The following SPON1 variants were observed in gnomAD, a reference collection of about 807,000 sequenced individuals.
The protein encoded by SPON1 is spondin 1, also known as spondin-1.
Under a neutral mutation model 111.7 loss-of-function variants are expected in SPON1, and 52 were observed. The ratio of observed to expected loss-of-function variants is 0.47; its 90% CI spans 0.37 to 0.59. The LOEUF is 0.59. SPON1 is among the 20% of genes least tolerant of loss of function. The pLI, the probability that SPON1 is intolerant of heterozygous loss-of-function variation, is 0.00. For synonymous variants in SPON1, 410 were observed against 395.8 expected (o/e 1.04, Z -0.43); for missense variants, 957 against 1,068.5 (o/e 0.90, Z 1.46).
At chr11:14,184,641 C>G (rs1179551842) in intron 6 of SPON1, among the ~76,000 whole-genome samples, 4 of 152,130 alleles carry the variant, frequency 2.6e-5, no homozygotes, top group Non-Finnish European at 5.9e-5. Context: ...CTGTTCCAAC[C>G]CATTCCTTTG....
At chr11:14,161,874 C>A (rs1554931385) in intron 6 of SPON1, among the ~76,000 whole-genome samples, 1 of 151,566 alleles carries the variant, frequency 6.6e-6, no homozygotes, top group African/African-American at 2.4e-5. Context: ...TTTTCCACAC[C>A]AGGTGTGGTG....
At chr11:13,970,209 AG>A (rs779065980) in intron 1 of SPON1, among the ~76,000 whole-genome samples, 4 of 152,162 alleles carry the variant, frequency 2.6e-5, no homozygotes, top group Admixed American at 6.5e-5. Flanking sequence ...ATGTTTTGGC[AG>A]GGATGGAGTT....
chr11:14,037,281 G>T (rs540922367), intron 2 of SPON1, among the ~76,000 whole-genome samples: 1 of 152,220 alleles, frequency 6.6e-6, no homozygotes, highest in African/African-American at 2.4e-5. Flanking sequence ...AATTCAGTTG[G>T]AGCACAAGTT....
At chr11:14,121,729 T>C (rs1405647708) in intron 5 of SPON1, among the ~76,000 whole-genome samples, 1 of 152,070 alleles carries the variant, frequency 6.6e-6, no homozygotes, top group African/African-American at 2.4e-5. Context: ...TTTCCATCTG[T>C]TTTCATTTTC....
At chr11:14,204,319 G>A (rs1343224010) in intron 6 of SPON1, among the ~76,000 whole-genome samples, 1 of 152,030 alleles carries the variant, frequency 6.6e-6, no homozygotes, top group Non-Finnish European at 1.5e-5. Context: ...CTTTTTATCT[G>A]TCTCTGAGGT....
chr11:14,037,429 T>C (rs1313508140), intron 2 of SPON1, among the ~76,000 whole-genome samples: 2 of 151,188 alleles, frequency 1.3e-5, no homozygotes, highest in African/African-American at 4.9e-5. Flanking sequence ...CCCACACAAA[T>C]ATAGTCAACT....
At chr11:14,051,860 G>T (rs1296273045) in intron 3 of SPON1, among the ~76,000 whole-genome samples, 2 of 152,064 alleles carry the variant, frequency 1.3e-5, no homozygotes, top group Non-Finnish European at 2.9e-5. Context: ...TCTTATATAT[G>T]TCTTATGTAA....
At chr11:14,099,419 G>A (rs976750411) in intron 5 of SPON1, among the ~76,000 whole-genome samples, 2 of 152,026 alleles carry the variant, frequency 1.3e-5, no homozygotes, top group Admixed American at 1.3e-4. Flanking sequence ...TGTTGACTTA[G>A]TATGCTGATT....
intron 5 of SPON1, among the ~76,000 whole-genome samples, chr11:14,122,648 A>C (rs577721903): frequency 3.3e-5 from 5 of 152,078 alleles, no homozygotes; most frequent in African/African-American, 1.2e-4. Flanking sequence ...CCTATCTTTT[A>C]GTTCACTGAT....
intron 3 of SPON1, among the ~76,000 whole-genome samples, chr11:14,043,172 T>C (rs1462831593): frequency 1.3e-5 from 2 of 152,150 alleles, no homozygotes; most frequent in Non-Finnish European, 2.9e-5. Context: ...GCCTGTTGTA[T>C]AACAAGGGAG....
At chr11:14,003,947 C>G (rs1393416573) in intron 2 of SPON1, among the ~76,000 whole-genome samples, 1 of 152,148 alleles carries the variant, frequency 6.6e-6, no homozygotes, top group Non-Finnish European at 1.5e-5. Flanking sequence ...TCTCTACCCC[C>G]TTTGATAATC....
At position 14,016,280 on chromosome 11, in the gene SPON1, C is replaced by G. The variant is rs1591351821; in HGVS notation, c.346-25241C>G. Among the ~76,000 whole-genome samples, 3 of 152,358 alleles carry G rather than the reference C, an allele frequency of 2.0e-5. No individual in the cohort carries two copies. The East Asian group carries it at 5.8e-4, about 29-fold the overall frequency. ...ATCTCATTTAACTCAATCCATTTAA[C>G]TGAACTGCCAAGAGGCTAAGTGGCT... On this transcript the variant is annotated intron_variant, in intron 2 of 15. Transcript: ENST00000576479.
chr11:14,102,222 G>A (rs2133844115), intron 5 of SPON1, among the ~76,000 whole-genome samples: 1 of 152,048 alleles, frequency 6.6e-6, no homozygotes, highest in African/African-American at 2.4e-5. Context: ...AAGCAATACT[G>A]TATCATATCA....
At chr11:14,252,636 G>C (rs1245671247) in intron 7 of SPON1, among the ~76,000 whole-genome samples, 1 of 141,966 alleles carries the variant, frequency 7.0e-6, no homozygotes, top group Non-Finnish European at 1.5e-5. Flanking sequence ...TCAGCCGAAG[G>C]CAAGACCTGC....
At chr11:14,125,564 G>T (rs1248996124) in intron 5 of SPON1, among the ~76,000 whole-genome samples, 3 of 152,230 alleles carry the variant, frequency 2.0e-5, no homozygotes, top group African/African-American at 7.2e-5. Context: ...ACAGAAGGTT[G>T]CAGCAATCTA....
chr11:14,109,858 C>T (rs1849214438), intron 5 of SPON1, among the ~76,000 whole-genome samples: 1 of 152,122 alleles, frequency 6.6e-6, no homozygotes, highest in Non-Finnish European at 1.5e-5. Context: ...TTTTTCTTCT[C>T]TGTGGGCAGG....
intron 2 of SPON1, among the ~76,000 whole-genome samples, chr11:13,997,783 A>C (rs781935569): frequency 3.3e-5 from 5 of 152,210 alleles, no homozygotes; most frequent in Non-Finnish European, 7.3e-5. Flanking sequence ...CATGATGCGC[A>C]AACAAAATCT....
intron 6 of SPON1, among the ~76,000 whole-genome samples, chr11:14,212,241 G>A (rs1848584453): frequency 6.6e-6 from 1 of 151,874 alleles, no homozygotes; most frequent in African/African-American, 2.4e-5. Flanking sequence ...GGAATTATCT[G>A]TTCCTTGTGA....
At chr11:14,263,938 A>G (rs2133929427) in intron 15 of SPON1, among the ~76,000 whole-genome samples, 1 of 152,158 alleles carries the variant, frequency 6.6e-6, no homozygotes, top group South Asian at 2.1e-4. Flanking sequence ...CTGAAGCAGG[A>G]GAATCACTTG....
Sources: gnomAD v4.1 joint callset for allele counts (sites outside exome capture counted in the v4.1 genomes callset) on GRCh38, gnomAD v4.1.1 for gene constraint, MANE v1.5 for transcripts, NCBI Gene and HGNC (gene_info 2026-07-23, HGNC 2026-07-21) for gene names.